Variants in DOK6 observed in about 807,000 individuals in gnomAD.
DOK6 encodes docking protein 6, also known as downstream of tyrosine kinase 6.
DOK6 carries 22 observed loss-of-function variants against 44.0 expected under a neutral mutation model. That is an observed-to-expected ratio of 0.50 (90% CI 0.36 to 0.71). The LOEUF is 0.71. Ranked by LOEUF, DOK6 falls within the 30% of genes least tolerant of loss-of-function variation. The probability of loss-of-function intolerance (pLI) is 0.00; values close to 1 mark genes in which losing one functional copy is unlikely to be tolerated. For synonymous variants in DOK6, 166 were observed against 145.5 expected, an observed-to-expected ratio of 1.14 and a Z score of -1.01; for missense variants, 340 against 416.4, an observed-to-expected ratio of 0.82 and a Z score of 1.60.
chr18:69,617,536 G>GACTGAGTGATAGGAGA (rs1984324208), intron 3 of DOK6, among the ~76,000 whole-genome samples: 1 of 110,962 alleles, frequency 9.0e-6, no homozygotes, highest in East Asian at 2.7e-4. Context: ...AGGAAAGAAA[G>GACTGAGTGATAGGAGA]AAAAGAAAGG....
chr18:69,813,057 T>C (rs1366306448), intron 7 of DOK6, among the ~76,000 whole-genome samples: 1 of 152,144 alleles, frequency 6.6e-6, no homozygotes, highest in Non-Finnish European at 1.5e-5. Flanking sequence ...TTCACCTGAT[T>C]ACTAGAACAC....
chr18:69,412,630 A>G (rs1467938102), intron 1 of DOK6, among the ~76,000 whole-genome samples: 4 of 152,166 alleles, frequency 2.6e-5, no homozygotes, highest in Non-Finnish European at 5.9e-5. Context: ...GCTAGGATAA[A>G]TAGGCTAAAG....
intron 5 of DOK6, among the ~76,000 whole-genome samples, chr18:69,699,647 G>A (rs1191611704): frequency 6.6e-6 from 1 of 152,132 alleles, no homozygotes. Flanking sequence ...GATATTGAGA[G>A]TGCAATAGTG....
At chr18:69,513,865 T>C (rs1036964368) in intron 1 of DOK6, among the ~76,000 whole-genome samples, 1 of 152,190 alleles carries the variant, frequency 6.6e-6, no homozygotes, top group African/African-American at 2.4e-5. Context: ...CAATTTATAA[T>C]TAAAATATTA....
chr18:69,564,457 G>A, intron 1 of DOK6, 30 bp from the exon 2 acceptor site: 1 of 1,588,750 alleles, frequency 6.3e-7, no homozygotes, highest in South Asian at 1.1e-5. Flanking sequence ...GTAAAAATAT[G>A]GATAATGGGA....
intron 1 of DOK6, among the ~76,000 whole-genome samples, chr18:69,449,114 T>C (rs1392261130): frequency 1.3e-5 from 2 of 152,254 alleles, no homozygotes; most frequent in Admixed American, 1.3e-4. Flanking sequence ...TCCTGACTTC[T>C]AGTCTAGTTA....
At position 69,685,287 on chromosome 18, in the gene DOK6, G is replaced by A. The variant is rs139784927; in HGVS notation, c.409+7434G>A. ...ATGAAGCTGGAAAGTCAAATACGTA[G>A]CCTGTCAGAAAAAAGTTGACAAAGT... On this transcript the variant is annotated intron_variant, in intron 4 of 7. Transcript: ENST00000382713. 7.0e-4 allele frequency among the ~76,000 whole-genome samples: 107 copies of A among 152,000 alleles called. 1 individual carries two copies. Among genetic ancestry groups the A allele is most frequent in the African/African-American group, 2.5e-3 (105 of 41,458 alleles).
intron 3 of DOK6, among the ~76,000 whole-genome samples, chr18:69,672,596 G>T (rs370171726): frequency 1.4e-4 from 21 of 151,768 alleles, no homozygotes; most frequent in African/African-American, 4.8e-4. Flanking sequence ...GATCTCAAGT[G>T]ATCCGCCCAC....
chr18:69,525,112 G>C (rs9989507), intron 1 of DOK6, among the ~76,000 whole-genome samples: 99,322 of 151,504 alleles, frequency 0.66, 33,568 homozygotes, highest in Non-Finnish European at 0.75. Context: ...AATCTTGTAC[G>C]TCTTTAAAAC....
At chr18:69,571,205 A>AT (rs1172039495) in intron 2 of DOK6, among the ~76,000 whole-genome samples, 1 of 151,976 alleles carries the variant, frequency 6.6e-6, no homozygotes, top group African/African-American at 2.4e-5. Context: ...GTTTATTGTA[A>AT]TCCCCAGAAT....
intron 2 of DOK6, among the ~76,000 whole-genome samples, chr18:69,589,176 G>C (rs1983570777): frequency 1.3e-5 from 2 of 152,034 alleles, no homozygotes; most frequent in South Asian, 4.1e-4. Context: ...TTAAATTATT[G>C]TTATGAAAGC....
chr18:69,699,163 C>G (rs1455877326), intron 5 of DOK6, among the ~76,000 whole-genome samples: 1 of 152,114 alleles, frequency 6.6e-6, no homozygotes, highest in Non-Finnish European at 1.5e-5. Context: ...CCAACCAAAT[C>G]ATTGTCTTTA....
At chr18:69,455,905 A>G (rs922150868) in intron 1 of DOK6, among the ~76,000 whole-genome samples, 1 of 152,192 alleles carries the variant, frequency 6.6e-6, no homozygotes, top group Non-Finnish European at 1.5e-5. Context: ...CCCCCAAAAA[A>G]GTATAAACTA....
intron 2 of DOK6, among the ~76,000 whole-genome samples, chr18:69,599,043 T>C (rs1235429493): frequency 6.6e-6 from 1 of 152,066 alleles, no homozygotes; most frequent in African/African-American, 2.4e-5. Flanking sequence ...ATACAATCAA[T>C]ATTCAGCAGA....
At chr18:69,758,236 G>C (rs1979424868) in intron 7 of DOK6, among the ~76,000 whole-genome samples, 1 of 152,070 alleles carries the variant, frequency 6.6e-6, no homozygotes, top group Admixed American at 6.6e-5. Context: ...TCCTTGAAAG[G>C]ATTCAATATC....
chr18:69,759,103 T>C (rs189078899), intron 7 of DOK6, among the ~76,000 whole-genome samples: 55 of 152,324 alleles, frequency 3.6e-4, no homozygotes, highest in Admixed American at 1.8e-3. Flanking sequence ...AGAGTTATTA[T>C]CTTTGTTATT....
At chr18:69,413,073 C>T (rs1003493825) in intron 1 of DOK6, among the ~76,000 whole-genome samples, 4 of 152,082 alleles carry the variant, frequency 2.6e-5, no homozygotes, top group Non-Finnish European at 5.9e-5. Flanking sequence ...TTTATGGTTG[C>T]TTAGTCTTGA....
At chr18:69,716,152 C>A (rs1399980433) in intron 5 of DOK6, among the ~76,000 whole-genome samples, 2 of 152,152 alleles carry the variant, frequency 1.3e-5, no homozygotes, top group Non-Finnish European at 2.9e-5. Context: ...TGATACATAT[C>A]TCCTATGGAG....
At chr18:69,599,238 C>G in intron 2 of DOK6, 146 bp from the exon 3 acceptor site, 4 of 603,738 alleles carry the variant, frequency 6.6e-6, no homozygotes, top group Middle Eastern at 4.5e-4. Flanking sequence ...TTTTTCTTTA[C>G]TGTTTTTGGC....
Sources: gnomAD v4.1 joint callset for allele counts (sites outside exome capture counted in the v4.1 genomes callset) on GRCh38, gnomAD v4.1.1 for gene constraint, MANE v1.5 for transcripts, NCBI Gene and HGNC (gene_info 2026-07-23, HGNC 2026-07-21) for gene names.